RHBDF1: variants seen among roughly 807,000 people sequenced by gnomAD.
The protein encoded by RHBDF1 is inactive rhomboid protein 1.
Under a neutral mutation model 98.6 loss-of-function variants are expected in RHBDF1, and 80 were observed. The observed-to-expected ratio is 0.81, with a 90% CI of 0.68 to 0.98. RHBDF1 has a LOEUF of 0.98. Ranked by LOEUF, RHBDF1 falls within the 50% of genes least tolerant of loss-of-function variation. The pLI is 0.00. For missense variants in RHBDF1, 1,116 were observed against 1,198.3 expected (o/e 0.93, Z 1.01); for synonymous variants, 512 against 486.8 (o/e 1.05, Z -0.68).
chr16:63,367 C>T (rs1341009127), intron 4 of RHBDF1, among the ~76,000 whole-genome samples, 185 bp from the exon 5 acceptor site: 4 of 152,192 alleles, frequency 2.6e-5, no homozygotes, highest in African/African-American at 9.7e-5. Context: ...CTCTCCCATC[C>T]AGACACTGGC....
At position 59,502 on chromosome 16, in the gene RHBDF1, G is replaced by T. The variant is rs202148919; in HGVS notation, c.1818-8C>A. On this transcript the variant is annotated splice_region_variant and splice_polypyrimidine_tract_variant and intron_variant, in intron 14 of 17. Coordinates refer to ENST00000262316, the MANE Select transcript of RHBDF1 (RefSeq NM_022450.5). ...CGGGAGGTGATCTCACACCTAGAAA[G>T]GCAGGCCAGGGTTCGGAGACTGCTG... is the stretch of plus-strand genomic sequence containing the variant. 2.5e-6 allele frequency: 4 copies of T among 1,612,488 alleles called. No individual in the cohort carries two copies. The South Asian group carries it at 4.4e-5, about 18-fold the overall frequency.
rs756728413 is a variant in RHBDF1, at chr16:63,249, G to A, written c.463-67C>T. The A allele has an allele frequency of 1.3e-4, 183 of 1,361,524 alleles. 1 individual carries two copies. The highest frequency in any genetic ancestry group is 1.7e-4 in the Non-Finnish European group (168 of 1,004,222). 84.3% of individuals were successfully genotyped at this position (1,361,524 alleles called of 1,614,324 possible). Reference sequence around the variant, plus strand: ...CTCCTAGCTCACCCAGAGGCACAGAGGCCTTGCAAAGACAGCGTGACTGCT... The same window carrying A: ...CTCCTAGCTCACCCAGAGGCACAGAAGCCTTGCAAAGACAGCGTGACTGCT... On this transcript the variant is annotated intron_variant, in intron 4 of 17. Transcript: ENST00000262316.
intron 16 of RHBDF1, 60 bp downstream of exon 16, chr16:59,189 C>T (rs961704341): frequency 1.9e-6 from 3 of 1,594,118 alleles, no homozygotes; most frequent in South Asian, 2.3e-5. Flanking sequence ...TTTCTGCCAC[C>T]CCCAGCCAGC....
chr16:74,723 C>A (rs1898052877), upstream of RHBDF1: 1 of 152,140 alleles, frequency 6.6e-6, no homozygotes. Flanking sequence ...TGAAGAATCA[C>A]AAAAGAAGTG....
chr16:72,212 C>G (rs2858048), intron 1 of RHBDF1, among the ~76,000 whole-genome samples: 136,914 of 152,302 alleles, frequency 0.9, 61,782 homozygotes, highest in African/African-American at 0.98. Context: ...CGAGCTGTCC[C>G]GCCCGGCCAG....
intron 1 of RHBDF1, among the ~76,000 whole-genome samples, chr16:71,860 G>C (rs562598860): frequency 6.6e-6 from 1 of 152,370 alleles, no homozygotes; most frequent in South Asian, 2.1e-4. Context: ...GAGAAGGCCT[G>C]TCCCCGTTGG....
chr16:71,680 A>G (rs1385551842), intron 1 of RHBDF1, among the ~76,000 whole-genome samples: 1 of 152,132 alleles, frequency 6.6e-6, no homozygotes, highest in Admixed American at 6.5e-5. Flanking sequence ...CGGCACACAC[A>G]GAAGAAACTC....
At chr16:65,453 T>A (rs183552721) in intron 1 of RHBDF1, among the ~76,000 whole-genome samples, 112 of 152,192 alleles carry the variant, frequency 7.4e-4, no homozygotes, top group Non-Finnish European at 1.4e-3. Context: ...CAAACTAGGG[T>A]TGCTTGACAG....
intron 4 of RHBDF1, 35 bp from the exon 5 acceptor site, chr16:63,217 A>G (rs952139003): frequency 2.7e-6 from 4 of 1,507,434 alleles, no homozygotes; most frequent in African/African-American, 1.4e-5. Flanking sequence ...AGTCAGGACC[A>G]TGGGGGCTCC....
chr16:62,457 G>A lies in RHBDF1; in HGVS notation c.953+81C>T, dbSNP rs957186996. 17 of 1,540,060 alleles carry A rather than the reference G, an allele frequency of 1.1e-5. 1 individual carries two copies. In the African/African-American group the frequency reaches 1.9e-4, roughly 17 times the overall value. On this transcript the variant is annotated intron_variant, in intron 7 of 17. Coordinates refer to ENST00000262316, the MANE Select transcript of RHBDF1 (RefSeq NM_022450.5). ...GCTACCCCTTCCATCGCCCACAGAG[G>A]TGAATGCCGATACTCGCCCAGCTGT...
chr16:60,389 CG>C (rs773645810), intron 12 of RHBDF1, 49 bp downstream of exon 12: 1 of 1,598,598 alleles, frequency 6.3e-7, no homozygotes, highest in South Asian at 1.1e-5. Context: ...CCACAGCCCC[CG>C]GGGAAGGTGT....
chr16:62,791 G>C lies in RHBDF1; in HGVS notation c.779C>G (p.Thr260Arg). The change falls in exon 6 of 18, where the codon ACA becomes AGA. Residue 260 changes from threonine to arginine, a missense_variant. Thr to Arg is a moderately conservative substitution (Grantham distance 71, BLOSUM62 -1). Coordinates refer to ENST00000262316, the MANE Select transcript of RHBDF1 (RefSeq NM_022450.5). ...ACTTCTTACCCGGGCAAAGAAGGATGTGTCCAGCTCATCGGGGAAATCAGT... is the reference window on the plus strand; with the variant it reads ...ACTTCTTACCCGGGCAAAGAAGGATCTGTCCAGCTCATCGGGGAAATCAGT... ...DTTDFPDELD[T>R]SFFAREGILH... 1 of 1,614,122 alleles carries C rather than the reference G, an allele frequency of 6.2e-7. No homozygotes were observed. Among genetic ancestry groups the C allele is most frequent in the Non-Finnish European group, 8.5e-7 (1 of 1,180,028 alleles).
At chr16:63,539 T>C (rs1596470899) in intron 4 of RHBDF1, 48 bp downstream of exon 4, 1 of 1,458,966 alleles carries the variant, frequency 6.9e-7, no homozygotes, top group Non-Finnish European at 9.2e-7. Flanking sequence ...CCCCAGCCCC[T>C]GAGAGCGGAA....
intron 11 of RHBDF1, 84 bp from the exon 12 acceptor site, chr16:60,623 C>G (rs1596465957): frequency 1.1e-6 from 1 of 948,716 alleles, no homozygotes; most frequent in African/African-American, 1.6e-5. Context: ...AAGGCAAAAC[C>G]ACTGAGCTCT....
chr16:66,222 CA>C (rs1897826467), intron 1 of RHBDF1, among the ~76,000 whole-genome samples: 1 of 152,198 alleles, frequency 6.6e-6, no homozygotes, highest in Admixed American at 6.5e-5. Context: ...TAAAGAGCTG[CA>C]GCCTCTGACA....
chr16:59,557 G>A (rs1473768616), intron 14 of RHBDF1, 63 bp from the exon 15 acceptor site: 32 of 1,557,406 alleles, frequency 2.1e-5, no homozygotes, highest in Non-Finnish European at 2.8e-5. Flanking sequence ...TGGCATCCAG[G>A]GCGAGTTTCA....
chr16:72,607 G>A lies in RHBDF1; in HGVS notation c.-119C>T, dbSNP rs1291574166. The A allele has an allele frequency of 7.2e-6, 7 of 977,130 alleles. No individual in the cohort carries two copies. The highest frequency in any genetic ancestry group is 8.5e-6 in the Non-Finnish European group (7 of 825,190). 60.5% of individuals were successfully genotyped at this position (977,130 alleles called of 1,614,324 possible). A position where few individuals can be genotyped will look rare whatever the true frequency, so the allele number is the denominator to read the frequency against. On this transcript the variant is annotated 5_prime_UTR_variant, in exon 1 of 18. Coordinates refer to ENST00000262316, the MANE Select transcript of RHBDF1 (RefSeq NM_022450.5). Reference sequence around the variant, plus strand: ...GCCCGCGCCGAGTCCCCGCCCGCCCGCCGGTCCGGCCCGCCCGGGAATGCC... The same window carrying A: ...GCCCGCGCCGAGTCCCCGCCCGCCCACCGGTCCGGCCCGCCCGGGAATGCC...
chr16:59,630 T>C, intron 14 of RHBDF1, 102 bp downstream of exon 14: 1 of 1,494,494 alleles, frequency 6.7e-7, no homozygotes, highest in Non-Finnish European at 9.1e-7. Flanking sequence ...CCCACATCCT[T>C]GGTATACTGG....
intron 16 of RHBDF1, 32 bp from the exon 17 acceptor site, chr16:59,159 C>T: frequency 6.2e-7 from 1 of 1,606,174 alleles, no homozygotes; most frequent in Non-Finnish European, 8.5e-7. Flanking sequence ...GGTCGGGAGA[C>T]ATTCAGCAGG....
Sources: gnomAD v4.1 joint callset for allele counts (sites outside exome capture counted in the v4.1 genomes callset) on GRCh38, gnomAD v4.1.1 for gene constraint, MANE v1.5 for transcripts, NCBI Gene and HGNC (gene_info 2026-07-23, HGNC 2026-07-21) for gene names.